FSHR: variants seen among roughly 807,000 people sequenced by gnomAD.
The protein encoded by FSHR is follicle-stimulating hormone receptor.
FSHR carries 46 observed loss-of-function variants against 52.1 expected under a neutral mutation model. That is an observed-to-expected ratio of 0.88 (90% CI 0.70 to 1.13). FSHR has a LOEUF of 1.13. Among genes scored for constraint, FSHR ranks in the 50% most tolerant of loss-of-function variants. The pLI is 0.00. For missense variants in FSHR, 964 were observed against 834.6 expected, an observed-to-expected ratio of 1.16 and a Z score of -1.91; for synonymous variants, 399 against 309.6, an observed-to-expected ratio of 1.29 and a Z score of -3.03.
chr2:49,028,149 A>G (rs1275711484), intron 2 of FSHR, among the ~76,000 whole-genome samples: 1 of 152,232 alleles, frequency 6.6e-6, no homozygotes, highest in Non-Finnish European at 1.5e-5. Context: ...TACAAGGGAC[A>G]GGGACAGTAA....
chr2:49,083,135 A>G (rs2103662283), intron 1 of FSHR, among the ~76,000 whole-genome samples: 1 of 152,128 alleles, frequency 6.6e-6, no homozygotes, highest in East Asian at 1.9e-4. Flanking sequence ...CATCAGACTA[A>G]CAGCAGATCT....
intron 2 of FSHR, among the ~76,000 whole-genome samples, chr2:49,062,761 C>G (rs1015610666): frequency 1.3e-4 from 20 of 151,882 alleles, no homozygotes; most frequent in African/African-American, 4.8e-4. Context: ...AAATAGACAT[C>G]TCTCAAAAGA....
At chr2:48,992,130 T>C (rs1355482150) in intron 4 of FSHR, among the ~76,000 whole-genome samples, 1 of 152,196 alleles carries the variant, frequency 6.6e-6, no homozygotes, top group African/African-American at 2.4e-5. Context: ...CTTTGCTTTT[T>C]ATCCAGGAAA....
At chr2:49,058,441 G>A (rs1572690252) in intron 2 of FSHR, among the ~76,000 whole-genome samples, 1 of 152,196 alleles carries the variant, frequency 6.6e-6, no homozygotes, top group Admixed American at 6.5e-5. Context: ...CAGCTACTTG[G>A]GAGGCTGAGG....
chr2:48,982,074 G>A (rs368446379), intron 8 of FSHR, among the ~76,000 whole-genome samples: 2 of 152,182 alleles, frequency 1.3e-5, no homozygotes, highest in South Asian at 4.2e-4. Context: ...GTCTTGCTTA[G>A]AGCCCAGGAA....
At chr2:49,150,369 AATCAGTCTCAT>A (rs1673018041) in intron 1 of FSHR, among the ~76,000 whole-genome samples, 1 of 152,044 alleles carries the variant, frequency 6.6e-6, no homozygotes, top group South Asian at 2.1e-4. Context: ...AATTTTCCAA[AATCAGTCTCAT>A]ATCTCTTGAC....
At chr2:49,087,920 A>T (rs1301714033) in intron 1 of FSHR, among the ~76,000 whole-genome samples, 1 of 152,226 alleles carries the variant, frequency 6.6e-6, no homozygotes. Context: ...TAACTATAGT[A>T]TAGAGTGTGT....
At chr2:49,147,067 A>C (rs553087835) in intron 1 of FSHR, among the ~76,000 whole-genome samples, 7 of 152,192 alleles carry the variant, frequency 4.6e-5, no homozygotes, top group African/African-American at 1.4e-4. Context: ...CTTTATTCAA[A>C]TATTATTTTA....
intron 4 of FSHR, chr2:49,014,753 A>T (rs778056120): frequency 3.5e-6 from 1 of 287,202 alleles, no homozygotes; most frequent in South Asian, 3.3e-5. Context: ...AGGGATATCT[A>T]TGTGAAGAGC....
chr2:49,112,548 C>A (rs566005834), intron 1 of FSHR, among the ~76,000 whole-genome samples: 9 of 152,244 alleles, frequency 5.9e-5, no homozygotes, highest in African/African-American at 2.2e-4. Context: ...AAACAAAATG[C>A]TAAACCTATA....
chr2:49,031,065 A>G (rs539636923), intron 2 of FSHR, among the ~76,000 whole-genome samples: 1 of 152,314 alleles, frequency 6.6e-6, no homozygotes, highest in East Asian at 1.9e-4. Flanking sequence ...ATTGGGGATC[A>G]ACAACCTGGT....
At chr2:48,980,696 G>A (rs1036691265) in intron 8 of FSHR, among the ~76,000 whole-genome samples, 9 of 152,166 alleles carry the variant, frequency 5.9e-5, no homozygotes, top group African/African-American at 2.2e-4. Context: ...CGTATTTATG[G>A]CAACATGGTA....
At chr2:49,053,714 C>T (rs1668953609) in intron 2 of FSHR, among the ~76,000 whole-genome samples, 1 of 152,152 alleles carries the variant, frequency 6.6e-6, no homozygotes. Context: ...ACAGTCCTTT[C>T]CCTGTTGACT....
chr2:49,082,571 C>A (rs1670216422), intron 1 of FSHR, among the ~76,000 whole-genome samples: 1 of 151,788 alleles, frequency 6.6e-6, no homozygotes, highest in Admixed American at 6.6e-5. Flanking sequence ...ACGTTCAAAC[C>A]AAAGGCAAAG....
chr2:49,098,171 T>A (rs1284556953), intron 1 of FSHR, among the ~76,000 whole-genome samples: 1 of 152,166 alleles, frequency 6.6e-6, no homozygotes, highest in African/African-American at 2.4e-5. Context: ...GGTTTGAAAT[T>A]TAAATTTGTA....
chr2:49,038,806 G>A (rs925424015), intron 2 of FSHR, among the ~76,000 whole-genome samples: 3 of 151,780 alleles, frequency 2.0e-5, no homozygotes, highest in Non-Finnish European at 2.9e-5. Flanking sequence ...AAGTGACACT[G>A]ATTAATTTTG....
At chr2:49,083,098 AG>A (rs1475351622) in intron 1 of FSHR, among the ~76,000 whole-genome samples, 3 of 151,716 alleles carry the variant, frequency 2.0e-5, no homozygotes, top group African/African-American at 7.3e-5. Context: ...CCAGAGAGAA[AG>A]GTCGGGTTAC....
At chr2:49,033,744 C>A (rs1668184938) in intron 2 of FSHR, among the ~76,000 whole-genome samples, 2 of 152,124 alleles carry the variant, frequency 1.3e-5, no homozygotes, top group South Asian at 4.2e-4. Flanking sequence ...TCATTTACCC[C>A]CAAGTGCCAG....
At chr2:49,109,318 G>C (rs563031224) in intron 1 of FSHR, among the ~76,000 whole-genome samples, 3 of 152,208 alleles carry the variant, frequency 2.0e-5, no homozygotes, top group Non-Finnish European at 4.4e-5. Flanking sequence ...GGTGTGAAGA[G>C]CTGCCTTTTA....
Sources: allele counts gnomAD v4.1 joint callset (sites outside exome capture counted in the v4.1 genomes callset), GRCh38; gene constraint gnomAD v4.1.1; transcripts MANE v1.5; gene names NCBI Gene and HGNC (gene_info 2026-07-23, HGNC 2026-07-21).